The following SLC44A5 variants were observed in gnomAD, a reference collection of about 807,000 sequenced individuals.
SLC44A5 encodes the protein solute carrier family 44 member 5.
In SLC44A5, 57 loss-of-function variants were observed where a neutral mutation model predicts 101.8. The observed-to-expected ratio is 0.56, with a 90% CI of 0.45 to 0.70. SLC44A5 has a LOEUF of 0.70. Ranked by LOEUF, SLC44A5 falls within the 30% of genes least tolerant of loss-of-function variation. The probability of loss-of-function intolerance (pLI) is 0.00; values close to 1 mark genes in which losing one functional copy is unlikely to be tolerated. For missense variants in SLC44A5, 737 were observed against 853.1 expected (o/e 0.86, Z 1.70); for synonymous variants, 281 against 290.9 (o/e 0.97, Z 0.35).
intron 6 of SLC44A5, among the ~76,000 whole-genome samples, chr1:75,272,509 G>T (rs992335606): frequency 2.0e-5 from 3 of 151,498 alleles, no homozygotes; most frequent in Admixed American, 6.6e-5. Flanking sequence ...TTTTCTAGAA[G>T]TTTTATGGTT....
chr1:75,531,290 G>T (rs1001137246), intron 2 of SLC44A5, among the ~76,000 whole-genome samples: 2 of 152,066 alleles, frequency 1.3e-5, no homozygotes, highest in African/African-American at 4.8e-5. Context: ...TTTTTAATTT[G>T]TATACATTTA....
At chr1:75,519,832 T>C (rs1670023291) in intron 2 of SLC44A5, among the ~76,000 whole-genome samples, 1 of 152,242 alleles carries the variant, frequency 6.6e-6, no homozygotes, top group Admixed American at 6.5e-5. Flanking sequence ...GGTAGGGTTG[T>C]CTCTTAGAAA....
intron 2 of SLC44A5, among the ~76,000 whole-genome samples, chr1:75,417,821 G>T (rs1663752734): frequency 6.6e-6 from 1 of 152,236 alleles, no homozygotes; most frequent in African/African-American, 2.4e-5. Context: ...ATACTGAAAA[G>T]GATGGGAGGA....
intron 3 of SLC44A5, among the ~76,000 whole-genome samples, chr1:75,344,600 G>C (rs1034390788): frequency 6.6e-6 from 1 of 152,082 alleles, no homozygotes; most frequent in African/African-American, 2.4e-5. Context: ...ACAGAAACAA[G>C]GTTGGAAAGA....
intron 5 of SLC44A5, among the ~76,000 whole-genome samples, chr1:75,283,710 C>T (rs1034915318): frequency 2.6e-5 from 4 of 152,060 alleles, no homozygotes; most frequent in Non-Finnish European, 2.9e-5. Context: ...TATTCTTCTA[C>T]ATGTGGCTTA....
the SLC44A5 span, among the ~76,000 whole-genome samples, chr1:75,673,915 C>T: frequency 6.6e-6 from 1 of 152,032 alleles, no homozygotes; most frequent in Admixed American, 6.6e-5. Flanking sequence ...CACTTAAGTC[C>T]CTTTGAATAC....
Position 75,262,385 on chromosome 1 carries a change from G to C in SLC44A5, c.261-11091C>G, listed in dbSNP as rs149694858. ...TATCAGTGAACTCCCATTCACAATT[G>C]CTACAAAGAGAATAAAATACCTAGG... is the stretch of plus-strand genomic sequence containing the variant. On this transcript the variant is annotated intron_variant, in intron 6 of 23. Transcript: ENST00000370859. 7.5e-3 allele frequency among the ~76,000 whole-genome samples: 1,139 copies of C among 152,214 alleles called. 9 individuals carry two copies. The highest frequency in any genetic ancestry group is 8.6e-3 in the Non-Finnish European group (587 of 68,000).
At chr1:75,348,327 C>T (rs1380429943) in intron 3 of SLC44A5, among the ~76,000 whole-genome samples, 2 of 152,064 alleles carry the variant, frequency 1.3e-5, no homozygotes, top group African/African-American at 4.8e-5. Context: ...GCTATTATAG[C>T]CTCAAAGATA....
At chr1:75,665,683 T>A in the SLC44A5 span, among the ~76,000 whole-genome samples, 3 of 152,116 alleles carry the variant, frequency 2.0e-5, no homozygotes, top group African/African-American at 7.2e-5. Context: ...GGATAAAATA[T>A]TCGCAAACTA....
chr1:75,336,955 A>G (rs1160871197), intron 4 of SLC44A5, among the ~76,000 whole-genome samples: 1 of 152,194 alleles, frequency 6.6e-6, no homozygotes, highest in East Asian at 1.9e-4. Flanking sequence ...TATAAACCCA[A>G]TATCACACCA....
At chr1:75,599,671 G>GA (rs1203838805) in intron 1 of SLC44A5, among the ~76,000 whole-genome samples, 3 of 151,970 alleles carry the variant, frequency 2.0e-5, no homozygotes, top group African/African-American at 7.3e-5. Context: ...CTTAATCTTG[G>GA]AAAAAAATAG....
the SLC44A5 span, among the ~76,000 whole-genome samples, chr1:75,678,121 A>T: frequency 6.6e-6 from 1 of 152,120 alleles, no homozygotes; most frequent in Non-Finnish European, 1.5e-5. Context: ...TACCCCACGG[A>T]GTCTCACTGA....
chr1:75,399,217 C>T (rs1662321216), intron 2 of SLC44A5, among the ~76,000 whole-genome samples: 1 of 152,020 alleles, frequency 6.6e-6, no homozygotes, highest in African/African-American at 2.4e-5. Flanking sequence ...AGCACAGCAT[C>T]ACTAATGATG....
chr1:75,641,356 A>T, the SLC44A5 span: 2 of 756,302 alleles, frequency 2.6e-6, no homozygotes, highest in Non-Finnish European at 4.6e-6. Context: ...TAACATTAGT[A>T]TCGTCTCCGG....
chr1:75,397,610 T>C (rs1300050802), intron 2 of SLC44A5, among the ~76,000 whole-genome samples: 1 of 152,190 alleles, frequency 6.6e-6, no homozygotes, highest in Non-Finnish European at 1.5e-5. Flanking sequence ...TTCATTTATG[T>C]TATCTCATTT....
intron 2 of SLC44A5, among the ~76,000 whole-genome samples, chr1:75,396,840 G>A (rs1009668619): frequency 3.3e-5 from 5 of 152,126 alleles, no homozygotes; most frequent in Non-Finnish European, 7.4e-5. Context: ...TCATGAAGGT[G>A]CTGGAGGTAA....
chr1:75,336,309 A>G (rs1346323925), intron 4 of SLC44A5, among the ~76,000 whole-genome samples: 2 of 152,018 alleles, frequency 1.3e-5, no homozygotes, highest in East Asian at 3.9e-4. Flanking sequence ...ACGCACCACC[A>G]CACCCGGCTA....
At chr1:75,410,472 G>C (rs1322454561) in intron 2 of SLC44A5, among the ~76,000 whole-genome samples, 1 of 152,096 alleles carries the variant, frequency 6.6e-6, no homozygotes, top group Non-Finnish European at 1.5e-5. Flanking sequence ...GACCCATGTG[G>C]TATCAACTCA....
the SLC44A5 span, among the ~76,000 whole-genome samples, chr1:75,667,208 A>G: frequency 1.3e-5 from 2 of 152,342 alleles, no homozygotes; most frequent in African/African-American, 4.8e-5. Context: ...AAATCTCCTT[A>G]AACTGATAAG....
Sources: allele counts gnomAD v4.1 joint callset (sites outside exome capture counted in the v4.1 genomes callset), GRCh38; gene constraint gnomAD v4.1.1; transcripts MANE v1.5; gene names NCBI Gene and HGNC (gene_info 2026-07-23, HGNC 2026-07-21).